The following EPB41 variants were observed in gnomAD, a reference collection of about 807,000 sequenced individuals.
EPB41 encodes protein 4.1.
A neutral mutation model predicts 108.0 loss-of-function variants in EPB41; 65 were observed. The observed-to-expected ratio is 0.60, with a 90% CI of 0.49 to 0.74. EPB41 has a LOEUF of 0.74. Among genes scored for constraint, EPB41 ranks in the 30% least tolerant of loss-of-function variants. The pLI is 0.00. For missense variants in EPB41, 875 were observed against 1,037.0 expected (o/e 0.84, Z 2.15); for synonymous variants, 336 against 358.9 (o/e 0.94, Z 0.72).
chr1:29,021,440 C>CTTGAATACAT (rs1414199740), intron 7 of EPB41, among the ~76,000 whole-genome samples: 1 of 152,084 alleles, frequency 6.6e-6, no homozygotes, highest in Non-Finnish European at 1.5e-5. Context: ...TTTATTAAGT[C>CTTGAATACAT]TTGAATACAT....
In EPB41 at chr1:29,018,577, T is replaced by C. The variant is rs1300788290; in HGVS notation, c.1124+135T>C. 4.4e-6 allele frequency: 4 copies of C among 917,062 alleles called. No homozygotes were observed. In the East Asian group the frequency reaches 7.7e-5, roughly 18 times the overall value. The allele number at this position is 917,062 out of a possible 1,614,324, so 56.8% of individuals were successfully genotyped here. Reference sequence around the variant, plus strand: ...GTCAGTTTCCTCCACTGTTTGACTTTGGGCAGGTTACTTAACCTCTCTTAA... The same window carrying C: ...GTCAGTTTCCTCCACTGTTTGACTTCGGGCAGGTTACTTAACCTCTCTTAA... On this transcript the variant is annotated intron_variant, in intron 7 of 20. Coordinates refer to ENST00000343067, the MANE Select transcript of EPB41 (RefSeq NM_001376013.1). This position sits in a 1 kb window ranked among gnomAD's most constrained non-coding sequence, Gnocchi z 4.4.
In EPB41 at chr1:28,924,063, A is replaced by G. The variant is rs79675519; in HGVS notation, c.-8+9295A>G. Among the ~76,000 whole-genome samples the G allele has an allele frequency of 6.9e-3, 1,054 of 152,346 alleles. 8 individuals are homozygous for G. The highest frequency in any genetic ancestry group is 0.024 in the African/African-American group (991 of 41,586). On this transcript the variant is annotated intron_variant, in intron 1 of 20. Coordinates refer to ENST00000343067, the MANE Select transcript of EPB41 (RefSeq NM_001376013.1). ...CCTCTCCCTGGGACCACTAGCTACC[A>G]TATCCTGAGAACACTCAGGCAGTCT...
At chr1:28,953,020 C>T (rs1571286850) in intron 1 of EPB41, among the ~76,000 whole-genome samples, 1 of 152,214 alleles carries the variant, frequency 6.6e-6, no homozygotes, top group East Asian at 1.9e-4. Context: ...TGAGCCACTG[C>T]GCCCGGCCCA....
rs766059885 is a variant in EPB41 at position 28,887,228 on chromosome 1, G to T, written c.-8+18G>T. The T allele has an allele frequency of 4.4e-5, 56 of 1,280,288 alleles. No individual in the cohort carries two copies. Among genetic ancestry groups the T allele is most frequent in the Non-Finnish European group, 5.5e-5 (54 of 984,428 alleles). The allele number at this position is 1,280,288 out of a possible 1,614,324, so 79.3% of individuals were successfully genotyped here. ...CAGCCCAGGTGAGCCTGGACCACCT[G>T]GGGGGCGACCCTCGGTCCCCGGGAG... On this transcript the variant is annotated intron_variant, in intron 1 of 16. Coordinates refer to the EPB41 transcript ENST00000347529. The surrounding 1 kb of genome is among the most constrained non-coding windows in gnomAD (Gnocchi z 4.9).
At position 29,065,143 on chromosome 1, in the gene EPB41, C is replaced by T. The variant is rs747031966; in HGVS notation, c.2169C>T (p.Ile723=). 1 of 1,604,656 alleles carries T rather than the reference C, an allele frequency of 6.2e-7. No individual in the cohort carries two copies. Among genetic ancestry groups the T allele is most frequent in the East Asian group, 2.2e-5 (1 of 44,742 alleles). The change falls in exon 16 of 21, where the codon ATC becomes ATT. Residue 723 remains isoleucine, a synonymous_variant. Coordinates refer to ENST00000343067, the MANE Select transcript of EPB41 (RefSeq NM_001376013.1). The part of the protein sequence containing the change: ...PFRTLNINGQ[I]PTGEGPPLVK... ...GAACTCTTAACATCAATGGGCAAATCCCCACAGGAGAAGGAGTGAGTACTT... is the reference window on the plus strand; with the variant it reads ...GAACTCTTAACATCAATGGGCAAATTCCCACAGGAGAAGGAGTGAGTACTT...
At position 28,933,713 on chromosome 1, in the gene EPB41, T is replaced by G. The variant is rs192464327; in HGVS notation, c.-8+18945T>G. ...AAATGCCAGTCGGGGTTTGTCTGAT[T>G]TTTTTCCACGATTAGATAGTAGATT... On this transcript the variant is annotated intron_variant, in intron 1 of 20. Coordinates refer to ENST00000343067, the MANE Select transcript of EPB41 (RefSeq NM_001376013.1). Among the ~76,000 whole-genome samples, 9 of 152,238 alleles carry G rather than the reference T, an allele frequency of 5.9e-5. No individual in the cohort carries two copies. In the East Asian group the frequency reaches 1.5e-3, roughly 26 times the overall value.
intron 7 of EPB41, among the ~76,000 whole-genome samples, chr1:29,022,241 T>G (rs2096655140): frequency 6.6e-6 from 1 of 152,086 alleles, no homozygotes; most frequent in African/African-American, 2.4e-5. Context: ...AAAAAAATCA[T>G]GCACAGGTAA....
chr1:29,089,464 C>T lies in EPB41; in HGVS notation c.2185-8343C>T, dbSNP rs184745792. ...GTAAGACAGTAACAAGTTCTCATCC[C>T]CCAAGGATTTCATAGGCTAATGGAA... On this transcript the variant is annotated intron_variant, in intron 16 of 20. Transcript: ENST00000343067. 7.8e-3 allele frequency among the ~76,000 whole-genome samples: 1,190 copies of T among 152,244 alleles called. 5 individuals are homozygous for T. The highest frequency in any genetic ancestry group is 0.015 in the Non-Finnish European group (1,013 of 68,008).
chr1:29,050,546 T>C (rs1233432804), intron 11 of EPB41, among the ~76,000 whole-genome samples: 3 of 152,278 alleles, frequency 2.0e-5, no homozygotes, highest in Non-Finnish European at 4.4e-5. Flanking sequence ...TGGTCTGCCA[T>C]CTGCCACTCT....
Position 29,096,384 on chromosome 1 carries a change from T to C in EPB41, c.2185-1423T>C, listed in dbSNP as rs527726066. The C allele has an allele frequency of 8.5e-5, 84 of 985,916 alleles. No individual in the cohort carries two copies. The Middle Eastern group carries it at 2.1e-3, about 25-fold the overall frequency. 61.1% of individuals were successfully genotyped at this position (985,916 alleles called of 1,614,324 possible). On this transcript the variant is annotated intron_variant, in intron 16 of 20. Transcript: ENST00000343067. ...GCTGGCTATCTTGATATTAAGGAGA[T>C]GCCAAGAGGCCCAACTGGGGGATGT...
intron 1 of EPB41, among the ~76,000 whole-genome samples, chr1:28,963,344 C>CGTGTGTGTGTGTGTGTGTGT (rs57558766): frequency 6.8e-6 from 1 of 146,210 alleles, no homozygotes; most frequent in African/African-American, 2.5e-5. Context: ...AAATCAGAAT[C>CGTGTGTGTGTGTGTGTGTGT]GTGTGTGTGT....
chr1:28,940,448 T>C (rs1293529389), intron 1 of EPB41, among the ~76,000 whole-genome samples: 1 of 152,060 alleles, frequency 6.6e-6, no homozygotes, highest in East Asian at 1.9e-4. Flanking sequence ...GGACGGGAGT[T>C]TGAGACCAGC....
Position 29,053,288 on chromosome 1 carries a change from G to C in EPB41, c.1821G>C (p.Glu607Asp). The change falls in exon 12 of 21, where the codon GAG (glutamate) becomes GAC (aspartate). Residue 607 changes from glutamate (E) to aspartate (D), a missense_variant. Glu to Asp is a conservative substitution (Grantham distance 45, BLOSUM62 2). This residue lies in a region of EPB41 where 519 missense variants were observed against 627.3 expected (regional missense o/e 0.83). Coordinates refer to ENST00000343067, the MANE Select transcript of EPB41 (RefSeq NM_001376013.1). ...KKEDEPPEQA[E>D]PEPTEAWKVE... Reference sequence around the variant, plus strand: ...AAGACGAGCCACCTGAGCAAGCTGAGCCAGAGCCCACAGAAGCATGGAAGG... The same window carrying C: ...AAGACGAGCCACCTGAGCAAGCTGACCCAGAGCCCACAGAAGCATGGAAGG... 2 of 1,614,196 alleles carry C rather than the reference G, an allele frequency of 1.2e-6. No individual in the cohort carries two copies. Among genetic ancestry groups the C allele is most frequent in the Non-Finnish European group, 1.7e-6 (2 of 1,180,038 alleles).
At chr1:28,924,931 A>G in intron 1 of EPB41, among the ~76,000 whole-genome samples, 1 of 144,148 alleles carries the variant, frequency 6.9e-6, no homozygotes, top group South Asian at 2.2e-4. Context: ...TGAGGAGCTG[A>G]GACTACAGGC....
chr1:29,060,361 C>G, intron 14 of EPB41, 61 bp from the exon 15 acceptor site: 2 of 1,552,358 alleles, frequency 1.3e-6, no homozygotes, highest in Non-Finnish European at 1.8e-6. Context: ...CAGTTTTTTC[C>G]CGCAAGAACA....
chr1:28,930,210 G>A (rs2093670583), intron 1 of EPB41, among the ~76,000 whole-genome samples: 1 of 141,906 alleles, frequency 7.0e-6, no homozygotes, highest in Non-Finnish European at 1.5e-5. Flanking sequence ...AGGCTGGAGT[G>A]CAGTGGCACC....
At position 29,110,757 on chromosome 1, in the gene EPB41, A is replaced by G. The variant is rs1043652638; in HGVS notation, c.2415+1320A>G. Among the ~76,000 whole-genome samples the G allele has an allele frequency of 5.3e-5, 8 of 152,168 alleles. No individual in the cohort carries two copies. In the East Asian group the frequency reaches 7.7e-4, roughly 15 times the overall value. On this transcript the variant is annotated intron_variant, in intron 18 of 20. Coordinates refer to ENST00000343067, the MANE Select transcript of EPB41 (RefSeq NM_001376013.1). ...CCTCATCTACCAGAAAGAGAAATCT[A>G]CTCACCCTCAGGAGATTATGTGAGG...
At position 29,118,826 on chromosome 1, in the gene EPB41, T is replaced by C. The variant is rs1671405569; in HGVS notation, c.*2014T>C. On this transcript the variant is annotated 3_prime_UTR_variant, in exon 21 of 21. Coordinates refer to ENST00000343067, the MANE Select transcript of EPB41 (RefSeq NM_001376013.1). ...GCTTTGGGGTAGTGCCCAAGCCTGG[T>C]CGTGTTGCCAGGAGTGGTGACAAGA... 1 of 152,224 alleles carries C rather than the reference T, an allele frequency of 6.6e-6. No homozygotes were observed. The highest frequency in any genetic ancestry group is 2.4e-5 in the African/African-American group (1 of 41,442). The allele number at this position is 152,224 out of a possible 1,614,324, so 9.4% of individuals were successfully genotyped here.
intron 1 of EPB41, among the ~76,000 whole-genome samples, chr1:28,920,327 T>C (rs2092983049): frequency 6.6e-6 from 1 of 152,180 alleles, no homozygotes; most frequent in African/African-American, 2.4e-5. Flanking sequence ...CAAATAAGAT[T>C]GGATATAATC....
Sources: gnomAD v4.1 joint callset for allele counts (sites outside exome capture counted in the v4.1 genomes callset) on GRCh38, gnomAD v4.1.1 for gene constraint, gnomAD v4.1.1 regional missense constraint, Gnocchi (gnomAD v3.1) non-coding constraint, MANE v1.5 for transcripts, NCBI Gene and HGNC (gene_info 2026-07-23, HGNC 2026-07-21) for gene names.